Variants in PAK2 observed in about 807,000 individuals in gnomAD.
The protein encoded by PAK2 is serine/threonine-protein kinase PAK 2.
PAK2 carries 21 observed loss-of-function variants against 65.9 expected under a neutral mutation model. The ratio of observed to expected loss-of-function variants is 0.32; its 90% confidence interval spans 0.23 to 0.46. The LOEUF is 0.46. Ranked by LOEUF, PAK2 falls within the 20% of genes least tolerant of loss-of-function variation. PAK2 has a pLI of 1.00. For synonymous variants in PAK2, 204 were observed against 219.7 expected, an observed-to-expected ratio of 0.93 and a Z score of 0.63; for missense variants, 324 against 642.6, an observed-to-expected ratio of 0.50 and a Z score of 5.36.
chr3:196,808,759 G>A (rs188730963), intron 7 of PAK2, among the ~76,000 whole-genome samples: 198 of 151,482 alleles, frequency 1.3e-3, no homozygotes, highest in African/African-American at 4.4e-3. Context: ...TACTTGGGGA[G>A]CTAAGGCAGG....
In PAK2 at chr3:196,827,578, G is replaced by C. The variant is rs928265965; in HGVS notation, c.1488+245G>C. On this transcript the variant is annotated intron_variant, in intron 14 of 14. Transcript: ENST00000327134. ...TGAGAACACCTGGACACAGGAAGGGGAACATCACACACCGGGGCCTGTTGT... is the reference window on the plus strand; with the variant it reads ...TGAGAACACCTGGACACAGGAAGGGCAACATCACACACCGGGGCCTGTTGT... The C allele has an allele frequency of 2.6e-5, 6 of 230,846 alleles. No homozygotes were observed. In the Admixed American group the frequency reaches 2.6e-4, roughly 10 times the overall value. The allele number at this position is 230,846 out of a possible 1,614,324, so 14.3% of individuals were successfully genotyped here.
intron 1 of PAK2, among the ~76,000 whole-genome samples, chr3:196,772,607 T>C (rs757391771): frequency 6.6e-6 from 1 of 152,202 alleles, no homozygotes; most frequent in Non-Finnish European, 1.5e-5. Flanking sequence ...ACTGATGTTA[T>C]GGCCATTGTC....
In PAK2 at chr3:196,811,201, CCCTTCCT is replaced by C. The variant is rs1577739697; in HGVS notation, c.773+549_773+555del. 5.1e-5 allele frequency among the ~76,000 whole-genome samples: 2 copies of C among 38,888 alleles called. 1 individual carries two copies. The highest frequency in any genetic ancestry group is 6.7e-4 in the Admixed American group (2 of 2,964). 25.5% of individuals were successfully genotyped at this position (38,888 alleles called of 152,430 possible). A position where few individuals can be genotyped will look rare whatever the true frequency, so the allele number is the denominator to read the frequency against. On this transcript the variant is annotated intron_variant, in intron 8 of 14. Coordinates refer to ENST00000327134, the MANE Select transcript of PAK2 (RefSeq NM_002577.4). ...AAAACTTCCATATGAATTCCTTCCTCCCTTCCTTCCCTTCCCTCCCTCCCTTCCCTTC... is the reference window on the plus strand; with the variant it reads ...AAAACTTCCATATGAATTCCTTCCTCTCCCTTCCCTCCCTCCCTTCCCTTC...
chr3:196,742,782 T>G (rs571799521), intron 1 of PAK2, among the ~76,000 whole-genome samples: 6 of 152,256 alleles, frequency 3.9e-5, no homozygotes, highest in Non-Finnish European at 8.8e-5. Context: ...CCGGGCTTGG[T>G]GGCAGGCGCC....
chr3:196,781,739 G>A (rs533918669), intron 1 of PAK2, among the ~76,000 whole-genome samples: 21 of 152,302 alleles, frequency 1.4e-4, no homozygotes, highest in Admixed American at 9.2e-4. Flanking sequence ...TGGATAAGGC[G>A]GGTGGATAAT....
At chr3:196,825,050 AAAT>A (rs1577754390) in intron 13 of PAK2, among the ~76,000 whole-genome samples, 2 of 152,292 alleles carry the variant, frequency 1.3e-5, no homozygotes, top group African/African-American at 4.8e-5. Flanking sequence ...AGTCAGTTAA[AAAT>A]AATAATTTAG....
In PAK2 at chr3:196,751,405, TG is replaced by T. The variant is rs200114077; in HGVS notation, c.-22+11251del. 4.3e-3 allele frequency among the ~76,000 whole-genome samples: 660 copies of T among 151,858 alleles called. 6 individuals carry two copies. Among genetic ancestry groups the T allele is most frequent in the African/African-American group, 0.015 (627 of 41,396 alleles). On this transcript the variant is annotated intron_variant, in intron 1 of 14. Coordinates refer to ENST00000327134, the MANE Select transcript of PAK2 (RefSeq NM_002577.4). ...GCTCACTCCTGTAATCCTAGCACTT[TG>T]GGAGGGCAAGGTGGGTAGATTGCTT...
At chr3:196,806,189 A>G (rs531309145) in intron 5 of PAK2, among the ~76,000 whole-genome samples, 119 of 152,028 alleles carry the variant, frequency 7.8e-4, no homozygotes, top group Non-Finnish European at 1.4e-3. Context: ...GGGATTACAG[A>G]CGTGAGCCAC....
chr3:196,744,551 A>G (rs536577552), intron 1 of PAK2, among the ~76,000 whole-genome samples: 1 of 152,204 alleles, frequency 6.6e-6, no homozygotes, highest in African/African-American at 2.4e-5. Context: ...AAATTCTTAA[A>G]AAGTGAAAAT....
intron 6 of PAK2, among the ~76,000 whole-genome samples, chr3:196,807,218 T>C (rs1246840012): frequency 2.6e-5 from 4 of 151,770 alleles, no homozygotes; most frequent in Admixed American, 6.6e-5. Context: ...GCAGGTAGAG[T>C]GTGCGGAAGG....
chr3:196,773,603 C>T (rs71323747), intron 1 of PAK2, among the ~76,000 whole-genome samples: 32,336 of 151,992 alleles, frequency 0.21, 3,697 homozygotes, highest in African/African-American at 0.26. Flanking sequence ...AGGCCGGGCA[C>T]AGTGGCTCAT....
chr3:196,803,220 A>G lies in PAK2; in HGVS notation c.436+56A>G, dbSNP rs994785146. 12 of 1,360,058 alleles carry G rather than the reference A, an allele frequency of 8.8e-6. No individual in the cohort carries two copies. In the African/African-American group the frequency reaches 1.6e-4, roughly 18 times the overall value. The allele number at this position is 1,360,058 out of a possible 1,614,324, so 84.2% of individuals were successfully genotyped here. Reference sequence around the variant, plus strand: ...GGAGATTTGTGAAGCACTTCTAGATAAAAAGATTACTCCTGGAAAAATGAA... The same window carrying G: ...GGAGATTTGTGAAGCACTTCTAGATGAAAAGATTACTCCTGGAAAAATGAA... On this transcript the variant is annotated intron_variant, in intron 4 of 14. Coordinates refer to ENST00000327134, the MANE Select transcript of PAK2 (RefSeq NM_002577.4).
Position 196,794,233 on chromosome 3 carries a change from A to G in PAK2, c.188-7694A>G, listed in dbSNP as rs138576218. Among the ~76,000 whole-genome samples the G allele has an allele frequency of 5.7e-3, 870 of 152,290 alleles. 8 individuals carry two copies. Among genetic ancestry groups the G allele is most frequent in the African/African-American group, 0.02 (819 of 41,558 alleles). The stretch of plus-strand genomic sequence containing the variant: ...CAGTTAAAAGATCTGACTAATGACA[A>G]TTAAGTGGAGGACATAGTGACTTCT... On this transcript the variant is annotated intron_variant, in intron 2 of 14. Coordinates refer to ENST00000327134, the MANE Select transcript of PAK2 (RefSeq NM_002577.4).
At chr3:196,805,213 G>T in intron 4 of PAK2, 139 bp from the exon 5 acceptor site, 4 of 567,330 alleles carry the variant, frequency 7.1e-6, no homozygotes, top group Non-Finnish European at 9.3e-6. Context: ...GACTACTTGC[G>T]TGTTCATTTT....
At chr3:196,805,823 C>CGTTT (rs1370004396) in intron 5 of PAK2, among the ~76,000 whole-genome samples, 1 of 151,712 alleles carries the variant, frequency 6.6e-6, no homozygotes, top group Non-Finnish European at 1.5e-5. Context: ...TGGAAACAGT[C>CGTTT]GTTTTATTTG....
intron 1 of PAK2, among the ~76,000 whole-genome samples, chr3:196,775,392 A>T (rs1025010975): frequency 9.2e-5 from 14 of 151,706 alleles, no homozygotes; most frequent in South Asian, 4.2e-4. Flanking sequence ...TTATTTATTT[A>T]TTTTTTTTGA....
intron 1 of PAK2, among the ~76,000 whole-genome samples, chr3:196,766,931 CGT>C (rs60929724): frequency 0.05 from 6,654 of 134,266 alleles, 314 homozygotes; most frequent in African/African-American, 0.13. Flanking sequence ...AAGTACACCC[CGT>C]GTGTGTGTGT....
At chr3:196,793,881 A>G (rs1419406353) in intron 2 of PAK2, among the ~76,000 whole-genome samples, 1 of 152,238 alleles carries the variant, frequency 6.6e-6, no homozygotes, top group Non-Finnish European at 1.5e-5. Flanking sequence ...CTGTAATCCC[A>G]GCACTTTGGG....
chr3:196,828,475 T>G lies in PAK2; in HGVS notation c.*70T>G, dbSNP rs1046719. On this transcript the variant is annotated 3_prime_UTR_variant, in exon 15 of 15. Coordinates refer to ENST00000327134, the MANE Select transcript of PAK2 (RefSeq NM_002577.4). The stretch of plus-strand genomic sequence containing the variant: ...AAGCCTTTTAGTATATGAAAATTAT[T>G]ACTCTTTTTGGGGTTTAAAGAAATG... The G allele has an allele frequency of 1.1e-6, 1 of 926,766 alleles. No individual in the cohort carries two copies. The highest frequency in any genetic ancestry group is 3.2e-4 in the Middle Eastern group (1 of 3,138). 57.4% of individuals were successfully genotyped at this position (926,766 alleles called of 1,614,324 possible).
Sources: gnomAD v4.1 joint callset for allele counts (sites outside exome capture counted in the v4.1 genomes callset) on GRCh38, gnomAD v4.1.1 for gene constraint, MANE v1.5 for transcripts, NCBI Gene and HGNC (gene_info 2026-07-23, HGNC 2026-07-21) for gene names.